Variants in MICALL1 observed in about 807,000 individuals in gnomAD.
MICALL1 encodes the protein MICAL-like protein 1.
Under a neutral mutation model 83.7 loss-of-function variants are expected in MICALL1, and 61 were observed. The ratio of observed to expected loss-of-function variants is 0.73; its 90% CI spans 0.59 to 0.90. The LOEUF (loss-of-function observed/expected upper bound fraction) is 0.90, where lower values mean the gene tolerates loss of function less well. Among genes scored for constraint, MICALL1 ranks in the 40% least tolerant of loss-of-function variants. MICALL1 has a pLI of 0.00. For synonymous variants in MICALL1, 481 were observed against 473.6 expected, an observed-to-expected ratio of 1.02 and a Z score of -0.20; for missense variants, 1,066 against 1,152.0, an observed-to-expected ratio of 0.93 and a Z score of 1.08.
Position 37,906,752 on chromosome 22 carries a change from C to T in MICALL1, c.146+184C>T, listed in dbSNP as rs939182021. ...GAGACCCCGGCCCAGGGCGCCCCTCCCCCGCCCGGCCGCCCTGACCCCGCC... is the reference window on the plus strand; with the variant it reads ...GAGACCCCGGCCCAGGGCGCCCCTCTCCCGCCCGGCCGCCCTGACCCCGCC... On this transcript the variant is annotated intron_variant, in intron 1 of 15. Coordinates refer to ENST00000215957, the MANE Select transcript of MICALL1 (RefSeq NM_033386.4). This position sits in a 1 kb window ranked among gnomAD's most constrained non-coding sequence, Gnocchi z 4.4. 3.7e-5 allele frequency: 12 copies of T among 323,712 alleles called. No individual in the cohort carries two copies. Among genetic ancestry groups the T allele is most frequent in the Non-Finnish European group, 4.8e-5 (10 of 206,208 alleles). The allele number at this position is 323,712 out of a possible 1,614,324, so 20.1% of individuals were successfully genotyped here. A position where few individuals can be genotyped will look rare whatever the true frequency, so the allele number is the denominator to read the frequency against.
Position 37,932,710 on chromosome 22 carries a change from TG to T in MICALL1, c.2143+35del, listed in dbSNP as rs753422233. 127 of 1,608,864 alleles carry T rather than the reference TG, an allele frequency of 7.9e-5. No individual in the cohort carries two copies. The highest frequency in any genetic ancestry group is 1.0e-4 in the Non-Finnish European group (122 of 1,178,324). On this transcript the variant is annotated intron_variant, in intron 11 of 15. Coordinates refer to ENST00000215957, the MANE Select transcript of MICALL1 (RefSeq NM_033386.4). This position sits in a 1 kb window ranked among gnomAD's most constrained non-coding sequence, Gnocchi z 4.4. ...GGAGCGGCTGGGAGGGCCTGCTGGG[TG>T]GGGCTGGGGGCAGGAGCCTCTATTC...
intron 13 of MICALL1, among the ~76,000 whole-genome samples, chr22:37,933,550 C>T (rs1264095159): frequency 3.3e-5 from 5 of 152,122 alleles, no homozygotes; most frequent in Non-Finnish European, 7.4e-5. Context: ...CCCACGTCCT[C>T]GGGTGTTCTT....
chr22:37,925,861 AG>A lies in MICALL1; in HGVS notation c.1285del (p.Glu429ArgfsTer138). The A allele has an allele frequency of 6.2e-7, 1 of 1,612,806 alleles. No individual in the cohort carries two copies. Among genetic ancestry groups the A allele is most frequent in the Non-Finnish European group, 8.5e-7 (1 of 1,179,258 alleles). Reference protein sequence around the residue: ...SLESKPYNPFEEEEEDKEEEA... With the variant: ...SLESKPYNPFXEEEEDKEEEA... ...GAGTCCAAACCCTATAACCCCTTTG[AG>A]GAGGAGGAGGAGGACAAGGAGGAAG... On this transcript the variant is annotated frameshift_variant, in exon 8 of 16. Transcript: ENST00000215957. LOFTEE classifies it high-confidence loss of function.
At chr22:37,931,162 G>C (rs1312487863) in intron 9 of MICALL1, among the ~76,000 whole-genome samples, 1 of 152,236 alleles carries the variant, frequency 6.6e-6, no homozygotes, top group Non-Finnish European at 1.5e-5. Context: ...GTGTGTGGCC[G>C]TGAGCAAATG....
intron 9 of MICALL1, among the ~76,000 whole-genome samples, chr22:37,928,115 C>G (rs78239654): frequency 0.02 from 3,052 of 152,204 alleles, 98 homozygotes; most frequent in African/African-American, 0.066. Context: ...ACCCCGTTAG[C>G]CAGGATGGTC....
chr22:37,921,520 C>T (rs1393302018), intron 5 of MICALL1, among the ~76,000 whole-genome samples: 1 of 152,158 alleles, frequency 6.6e-6, no homozygotes, highest in African/African-American at 2.4e-5. Context: ...TTGCAGTGAG[C>T]CAAGGTCGCA....
In MICALL1 at chr22:37,940,521, C is replaced by T. The variant is rs192236556; in HGVS notation, c.2471-188C>T. On this transcript the variant is annotated intron_variant, in intron 15 of 15. Coordinates refer to ENST00000215957, the MANE Select transcript of MICALL1 (RefSeq NM_033386.4). ...AGGTGGGGAGGGGGAGGATGGGCCC[C>T]ATCCTCTAGGTGAAGAGACAGAGGC... Among the ~76,000 whole-genome samples, 388 of 152,180 alleles carry T rather than the reference C, an allele frequency of 2.5e-3. 2 individuals carry two copies. The highest frequency in any genetic ancestry group is 3.6e-3 in the Non-Finnish European group (248 of 67,998).
intron 13 of MICALL1, among the ~76,000 whole-genome samples, chr22:37,936,658 T>G (rs1225472086): frequency 6.6e-6 from 1 of 152,146 alleles, no homozygotes; most frequent in Non-Finnish European, 1.5e-5. Flanking sequence ...TTTGGGAGGC[T>G]GAGACGGGTG....
chr22:37,910,404 A>C (rs1364855883), intron 1 of MICALL1, among the ~76,000 whole-genome samples: 1 of 151,966 alleles, frequency 6.6e-6, no homozygotes, highest in Non-Finnish European at 1.5e-5. Context: ...TGGTCTTGGA[A>C]AAAGCCTCTG....
rs1264576086 is a variant in MICALL1, at chr22:37,922,365, C to T, written c.963C>T (p.Pro321=). 3 of 1,533,858 alleles carry T rather than the reference C, an allele frequency of 2.0e-6. No homozygotes were observed. The change falls in exon 6 of 16, where the codon CCC becomes CCT. Residue 321 remains proline, a synonymous_variant. Coordinates refer to ENST00000215957, the MANE Select transcript of MICALL1 (RefSeq NM_033386.4). ...CCCCAGCACCCCCCACGCCCCGGCC[C>T]CGCTCCAGTCTGCAGCAGGAGAACC... ...STTPAPPTPR[P]RSSLQQENLV...
rs772364896 is a variant in MICALL1, at chr22:37,927,367, TGTG to T, written c.1466-40_1466-38del. 5.3e-6 allele frequency: 8 copies of T among 1,508,248 alleles called. No homozygotes were observed. In the African/African-American group the frequency reaches 1.1e-4, roughly 21 times the overall value. The allele number at this position is 1,508,248 out of a possible 1,614,324, so 93.4% of individuals were successfully genotyped here. A position where few individuals can be genotyped will look rare whatever the true frequency, so the allele number is the denominator to read the frequency against. ...GCCGGGAGGTGGGGCTGGAAGCCCTTGTGGTGCTCCCCTTGTGAGGTGTCCTGG... is the reference window on the plus strand; with the variant it reads ...GCCGGGAGGTGGGGCTGGAAGCCCTTGTGCTCCCCTTGTGAGGTGTCCTGG... On this transcript the variant is annotated intron_variant, in intron 8 of 15. Coordinates refer to ENST00000215957, the MANE Select transcript of MICALL1 (RefSeq NM_033386.4).
chr22:37,909,273 C>T lies in MICALL1; in HGVS notation c.147-2679C>T, dbSNP rs559376631. On this transcript the variant is annotated intron_variant, in intron 1 of 15. Coordinates refer to ENST00000215957, the MANE Select transcript of MICALL1 (RefSeq NM_033386.4). ...TTCACCATGTTGGCCAGGCTGGTCTCGAACTCCTGACCTCAGGTGATCCGC... is the reference window on the plus strand; with the variant it reads ...TTCACCATGTTGGCCAGGCTGGTCTTGAACTCCTGACCTCAGGTGATCCGC... Among the ~76,000 whole-genome samples, 7 of 151,416 alleles carry T rather than the reference C, an allele frequency of 4.6e-5. No homozygotes were observed. The South Asian group carries it at 1.3e-3, about 27-fold the overall frequency.
intron 1 of MICALL1, among the ~76,000 whole-genome samples, chr22:37,909,951 T>C (rs1928212290): frequency 6.6e-6 from 1 of 152,208 alleles, no homozygotes; most frequent in Non-Finnish European, 1.5e-5. Flanking sequence ...AACCCAGTGT[T>C]GGCCCAGGGC....
At chr22:37,929,381 G>A (rs1929666044) in intron 9 of MICALL1, among the ~76,000 whole-genome samples, 1 of 152,196 alleles carries the variant, frequency 6.6e-6, no homozygotes, top group Admixed American at 6.5e-5. Flanking sequence ...GTCAGGGGGA[G>A]GTGCTATAAT....
intron 3 of MICALL1, among the ~76,000 whole-genome samples, chr22:37,912,923 A>G (rs1928430329): frequency 6.7e-6 from 1 of 148,786 alleles, no homozygotes; most frequent in African/African-American, 2.5e-5. Context: ...GGCCTCCCCA[A>G]GTGCTGGGAT....
At chr22:37,915,567 C>G (rs1928625190) in intron 3 of MICALL1, among the ~76,000 whole-genome samples, 1 of 152,020 alleles carries the variant, frequency 6.6e-6, no homozygotes, top group Non-Finnish European at 1.5e-5. Context: ...AGGAATAACA[C>G]CCATCTCACA....
At chr22:37,939,855 G>A (rs1411179954) in intron 15 of MICALL1, among the ~76,000 whole-genome samples, 2 of 151,586 alleles carry the variant, frequency 1.3e-5, no homozygotes, top group East Asian at 3.9e-4. Flanking sequence ...TTAGGAGGCT[G>A]AGGCGGGCTC....
Position 37,924,637 on chromosome 22 carries a change from G to A in MICALL1, c.1025-23G>A, listed in dbSNP as rs1407067238. ...ACCTCCTGCTGCCCATGAAGGCCTG[G>A]CTCACTCTCCTTTCCCATCTAGGGA... On this transcript the variant is annotated intron_variant, in intron 6 of 15. Transcript: ENST00000215957. This position sits in a 1 kb window ranked among gnomAD's most constrained non-coding sequence, Gnocchi z 5.2. The A allele has an allele frequency of 7.5e-6, 12 of 1,605,716 alleles. 1 individual carries two copies. In the African/African-American group the frequency reaches 8.0e-5, roughly 11 times the overall value.
chr22:37,932,565 C>G lies in MICALL1; in HGVS notation c.2029C>G (p.Gln677Glu), dbSNP rs1211971830. ...PLIKRKVQAD[Q>E]YIPEEDIHGE... ...CACTGTTGGGCAGGTCCAGGCTGAC[C>G]AGTACATCCCTGAGGAGGACATCCA... is the stretch of plus-strand genomic sequence containing the variant. The change falls in exon 11 of 16, where the codon CAG becomes GAG. Residue 677 changes from glutamine (Q) to glutamate (E), a missense_variant. Coordinates refer to ENST00000215957, the MANE Select transcript of MICALL1 (RefSeq NM_033386.4). The surrounding 1 kb of genome is among the most constrained non-coding windows in gnomAD (Gnocchi z 4.4). 2 of 1,614,126 alleles carry G rather than the reference C, an allele frequency of 1.2e-6. No homozygotes were observed. The highest frequency in any genetic ancestry group is 1.7e-6 in the Non-Finnish European group (2 of 1,180,014).
Sources: gnomAD v4.1 joint callset for allele counts (sites outside exome capture counted in the v4.1 genomes callset) on GRCh38, gnomAD v4.1.1 for gene constraint, Gnocchi (gnomAD v3.1) non-coding constraint, MANE v1.5 for transcripts, NCBI Gene and HGNC (gene_info 2026-07-23, HGNC 2026-07-21) for gene names.